CWH43: variants seen among roughly 807,000 people sequenced by gnomAD.
CWH43 encodes the protein PGAP2-interacting protein.
A neutral mutation model predicts 85.7 loss-of-function variants in CWH43; 91 were observed. The observed-to-expected ratio is 1.06, with a 90% CI of 0.90 to 1.26. The LOEUF is 1.26. Ranked by LOEUF, CWH43 falls within the 50% of genes most tolerant of loss-of-function variation. The pLI is 0.00. For synonymous variants in CWH43, 323 were observed against 293.6 expected, an observed-to-expected ratio of 1.10 and a Z score of -1.02; for missense variants, 869 against 839.2, an observed-to-expected ratio of 1.04 and a Z score of -0.44.
chr4:48,988,434 T>C (rs1356786754), intron 1 of CWH43, 43 bp from the exon 2 acceptor site: 1 of 1,467,180 alleles, frequency 6.8e-7, no homozygotes, highest in African/African-American at 1.4e-5. Flanking sequence ...AGAAACAATG[T>C]TGAAGTTACA....
intron 14 of CWH43, among the ~76,000 whole-genome samples, chr4:49,047,011 G>A (rs1179324144): frequency 6.6e-6 from 1 of 152,164 alleles, no homozygotes; most frequent in Non-Finnish European, 1.5e-5. Context: ...CTGAGCCTTA[G>A]TCTTTTCTCC....
At chr4:49,041,015 G>T (rs955747737) in intron 13 of CWH43, among the ~76,000 whole-genome samples, 9 of 152,130 alleles carry the variant, frequency 5.9e-5, no homozygotes, top group African/African-American at 1.4e-4. Context: ...TTTCCCCATG[G>T]CTTGTTTTTG....
At chr4:49,023,010 TTTTG>T (rs1156800317) in intron 9 of CWH43, among the ~76,000 whole-genome samples, 2 of 152,298 alleles carry the variant, frequency 1.3e-5, no homozygotes, top group South Asian at 2.1e-4. Context: ...TCTTTTGTAT[TTTTG>T]TTTGTTTGTT....
chr4:49,016,932 G>C (rs113169520), intron 8 of CWH43: 1 of 784,302 alleles, frequency 1.3e-6, no homozygotes, highest in Non-Finnish European at 2.4e-6. Flanking sequence ...GATCTCCCCA[G>C]TAAAGGCCCC....
At chr4:49,042,827 C>T (rs545600323) in intron 13 of CWH43, among the ~76,000 whole-genome samples, 1 of 152,276 alleles carries the variant, frequency 6.6e-6, no homozygotes, top group East Asian at 1.9e-4. Flanking sequence ...GAGACTGTAT[C>T]AGTTATTTAT....
At chr4:48,995,547 C>T (rs1253116917) in intron 5 of CWH43, among the ~76,000 whole-genome samples, 1 of 152,198 alleles carries the variant, frequency 6.6e-6, no homozygotes, top group Non-Finnish European at 1.5e-5. Context: ...CAGCTGCCTA[C>T]TGGATCTTTC....
At chr4:49,053,692 A>G (rs1025651067) in intron 15 of CWH43, among the ~76,000 whole-genome samples, 3 of 152,150 alleles carry the variant, frequency 2.0e-5, no homozygotes, top group Non-Finnish European at 4.4e-5. Flanking sequence ...TTAGCCGTTT[A>G]TCATATATAG....
rs759640739 is a variant in CWH43, at chr4:49,061,782, T to C, written c.2022-30T>C. The stretch of plus-strand genomic sequence containing the variant: ...TTTCTGAATGGTTTTTACATGCCAA[T>C]AACTTTTTATTTATTTTTTATTTTT... On this transcript the variant is annotated intron_variant, in intron 15 of 15. Transcript: ENST00000226432. 30 of 1,315,812 alleles carry C rather than the reference T, an allele frequency of 2.3e-5. No individual in the cohort carries two copies. The South Asian group carries it at 4.5e-4, about 20-fold the overall frequency. 81.5% of individuals were successfully genotyped at this position (1,315,812 alleles called of 1,614,324 possible). A position where few individuals can be genotyped will look rare whatever the true frequency, so the allele number is the denominator to read the frequency against.
At chr4:49,028,205 T>C (rs1783979607) in intron 9 of CWH43, among the ~76,000 whole-genome samples, 1 of 151,762 alleles carries the variant, frequency 6.6e-6, no homozygotes, top group African/African-American at 2.4e-5. Flanking sequence ...TGCAACATAC[T>C]TTTTTTTTAA....
At chr4:48,991,336 C>A in intron 2 of CWH43, 118 bp from the exon 3 acceptor site, 1 of 993,284 alleles carries the variant, frequency 1.0e-6, no homozygotes, top group Admixed American at 2.6e-5. Context: ...TAAAATTATA[C>A]ATCAACTCTG....
Position 48,992,165 on chromosome 4 carries a change from A to G in CWH43, c.511+75A>G. ...TGTGAATGTTGCACATCTTGGAAAG[A>G]AAATCTATAAAAGTAGTCTTTCTGC... On this transcript the variant is annotated intron_variant, in intron 4 of 15. Coordinates refer to ENST00000226432, the MANE Select transcript of CWH43 (RefSeq NM_025087.3). This position sits in a 1 kb window ranked among gnomAD's most constrained non-coding sequence, Gnocchi z 4.3. 1 of 1,253,236 alleles carries G rather than the reference A, an allele frequency of 8.0e-7. No homozygotes were observed. The highest frequency in any genetic ancestry group is 1.4e-5 in the South Asian group (1 of 69,614). 77.6% of individuals were successfully genotyped at this position (1,253,236 alleles called of 1,614,324 possible). A position where few individuals can be genotyped will look rare whatever the true frequency, so the allele number is the denominator to read the frequency against.
intron 15 of CWH43, among the ~76,000 whole-genome samples, chr4:49,055,742 A>C (rs1784932254): frequency 6.6e-6 from 1 of 151,840 alleles, no homozygotes; most frequent in Admixed American, 6.6e-5. Context: ...GGCGCCTACC[A>C]CCACACCCAG....
chr4:49,060,424 G>A (rs902955140), intron 15 of CWH43, among the ~76,000 whole-genome samples: 3 of 152,058 alleles, frequency 2.0e-5, no homozygotes, highest in Non-Finnish European at 4.4e-5. Flanking sequence ...GCCGGCTTAG[G>A]GACTGGGGTT....
intron 11 of CWH43, 84 bp from the exon 12 acceptor site, chr4:49,032,482 C>T: frequency 1.3e-6 from 2 of 1,488,252 alleles, no homozygotes; most frequent in East Asian, 4.6e-5. Context: ...GGGACACATC[C>T]CTTTTTAATG....
Position 49,061,931 on chromosome 4 carries a change from A to C in CWH43, c.*41A>C. ...AAGTTATTGGCTGGGAAAATCTAAG[A>C]AAAAAAGTATGTAAGATAAAAAGAA... On this transcript the variant is annotated 3_prime_UTR_variant, in exon 16 of 16. Transcript: ENST00000226432. 1 of 1,271,870 alleles carries C rather than the reference A, an allele frequency of 7.9e-7. No homozygotes were observed. The highest frequency in any genetic ancestry group is 3.2e-5 in the Admixed American group (1 of 31,472). 78.8% of individuals were successfully genotyped at this position (1,271,870 alleles called of 1,614,324 possible). A position where few individuals can be genotyped will look rare whatever the true frequency, so the allele number is the denominator to read the frequency against.
At position 49,061,973 on chromosome 4, in the gene CWH43, G is replaced by A; in HGVS notation, c.*83G>A. On this transcript the variant is annotated 3_prime_UTR_variant, in exon 16 of 16. Transcript: ENST00000226432. ...TAAAAAGAAGAGATTAATGAAAGTG[G>A]GAAAATACACATGAAGAACCTCAAC... 9.4e-7 allele frequency: 1 copy of A among 1,063,526 alleles called. No individual in the cohort carries two copies. The allele number at this position is 1,063,526 out of a possible 1,614,324, so 65.9% of individuals were successfully genotyped here. A position where few individuals can be genotyped will look rare whatever the true frequency, so the allele number is the denominator to read the frequency against.
At chr4:49,000,253 G>C (rs1782947559) in intron 6 of CWH43, among the ~76,000 whole-genome samples, 1 of 152,160 alleles carries the variant, frequency 6.6e-6, no homozygotes. Context: ...TACACCGTAA[G>C]TGCCGTCACA....
At chr4:49,048,585 G>A (rs1274454923) in intron 14 of CWH43, among the ~76,000 whole-genome samples, 2 of 151,894 alleles carry the variant, frequency 1.3e-5, no homozygotes, top group South Asian at 2.1e-4. Context: ...GTCCCCTTGG[G>A]TTGCCGATAA....
intron 15 of CWH43, among the ~76,000 whole-genome samples, chr4:49,055,554 A>G (rs548467572): frequency 3.7e-4 from 56 of 151,700 alleles, no homozygotes; most frequent in Non-Finnish European, 6.2e-4. Context: ...TTCAATTATG[A>G]AAGAGTTTGA....
Sources: allele counts gnomAD v4.1 joint callset (sites outside exome capture counted in the v4.1 genomes callset), GRCh38; gene constraint gnomAD v4.1.1; non-coding constraint Gnocchi (gnomAD v3.1); transcripts MANE v1.5; gene names NCBI Gene and HGNC (gene_info 2026-07-23, HGNC 2026-07-21).